The following CRYBG1 variants were observed in gnomAD, a reference collection of about 807,000 sequenced individuals.
The protein encoded by CRYBG1 is beta/gamma crystallin domain-containing protein 1.
CRYBG1 carries 139 observed loss-of-function variants against 189.2 expected under a neutral mutation model. The observed-to-expected ratio is 0.73, with a 90% CI of 0.64 to 0.85. CRYBG1 has a LOEUF of 0.85. CRYBG1 is among the 40% of genes least tolerant of loss of function. CRYBG1 has a pLI of 0.00. For synonymous variants in CRYBG1, 1,023 were observed against 1,017.1 expected, an observed-to-expected ratio of 1.01 and a Z score of -0.11; for missense variants, 2,611 against 2,675.8, an observed-to-expected ratio of 0.98 and a Z score of 0.53.
chr6:106,499,432 T>C (rs1198748825), intron 2 of CRYBG1, among the ~76,000 whole-genome samples: 1 of 151,636 alleles, frequency 6.6e-6, no homozygotes, highest in African/African-American at 2.4e-5. Context: ...AGTGTTGGGA[T>C]TACAGGAGTG....
chr6:106,379,082 G>C (rs1032207883), intron 1 of CRYBG1, among the ~76,000 whole-genome samples: 1 of 152,102 alleles, frequency 6.6e-6, no homozygotes, highest in African/African-American at 2.4e-5. Flanking sequence ...CCGGGAGGCA[G>C]AGGTTGCAGT....
At chr6:106,504,040 A>C (rs936253925) in intron 2 of CRYBG1, among the ~76,000 whole-genome samples, 1 of 136,348 alleles carries the variant, frequency 7.3e-6, no homozygotes, top group African/African-American at 3.1e-5. Context: ...AAAAAAAAAA[A>C]AAAAAAAACC....
At chr6:106,412,872 C>T (rs138192809) in intron 1 of CRYBG1, among the ~76,000 whole-genome samples, 1,880 of 147,324 alleles carry the variant, frequency 0.013, 14 homozygotes, top group Non-Finnish European at 0.02. Flanking sequence ...ATCTGTCCAG[C>T]AGAAAGTAAA....
intron 2 of CRYBG1, among the ~76,000 whole-genome samples, chr6:106,460,310 A>G (rs1200169612): frequency 6.6e-6 from 1 of 151,922 alleles, no homozygotes; most frequent in Non-Finnish European, 1.5e-5. Context: ...TCTTTTGTAC[A>G]CTTATTGGCC....
intron 12 of CRYBG1, 32 bp from the exon 13 acceptor site, chr6:106,544,756 G>A (rs777473095): frequency 6.2e-7 from 1 of 1,603,558 alleles, no homozygotes; most frequent in Admixed American, 1.8e-5. Flanking sequence ...TAAATGGCTA[G>A]CCTTTGAATT....
intron 1 of CRYBG1, among the ~76,000 whole-genome samples, chr6:106,423,654 C>T (rs1309404747): frequency 6.7e-6 from 1 of 149,152 alleles, no homozygotes; most frequent in East Asian, 2.0e-4. Flanking sequence ...TTTTAAATCT[C>T]CTCTTCTCCT....
At chr6:106,555,090 AG>A (rs1259235571) in intron 16 of CRYBG1, among the ~76,000 whole-genome samples, 1 of 151,606 alleles carries the variant, frequency 6.6e-6, no homozygotes, top group Non-Finnish European at 1.5e-5. Context: ...GCTTGAACCC[AG>A]GAGGCAGAGG....
At chr6:106,510,586 G>A (rs1226794114) in intron 2 of CRYBG1, among the ~76,000 whole-genome samples, 1 of 152,214 alleles carries the variant, frequency 6.6e-6, no homozygotes, top group African/African-American at 2.4e-5. Context: ...GGAACCACAC[G>A]TGTGGCGAGG....
In CRYBG1 at chr6:106,414,159, A is replaced by G. The variant is rs75367942; in HGVS notation, c.174-37535A>G. The stretch of plus-strand genomic sequence containing the variant: ...GTGCGAGCCCCTTTTGGATACTTCA[A>G]AGATTCCTGCTGTCTTTGAAAGAGT... On this transcript the variant is annotated intron_variant, in intron 1 of 21. Coordinates refer to ENST00000633556, the MANE Select transcript of CRYBG1 (RefSeq NM_001371242.2). Among the ~76,000 whole-genome samples, 355 of 152,364 alleles carry G rather than the reference A, an allele frequency of 2.3e-3. 2 individuals carry two copies. In the Middle Eastern group the frequency reaches 0.024, roughly 10 times the overall value.
rs371768358 is a variant in CRYBG1, at chr6:106,428,223, T to A, written c.174-23471T>A. On this transcript the variant is annotated intron_variant, in intron 1 of 21. Transcript: ENST00000633556. The stretch of plus-strand genomic sequence containing the variant: ...TTCACTGTGGTAAGTCACACAAAAA[T>A]ATGTTTTTGTTGAAAGAATTAGTGA... 1.1e-3 allele frequency among the ~76,000 whole-genome samples: 167 copies of A among 152,326 alleles called. 1 individual carries two copies. The highest frequency in any genetic ancestry group is 3.8e-3 in the African/African-American group (156 of 41,572).
chr6:106,557,828 G>A (rs565551222), intron 17 of CRYBG1, among the ~76,000 whole-genome samples: 1 of 152,286 alleles, frequency 6.6e-6, no homozygotes, highest in Non-Finnish European at 1.5e-5. Context: ...GAAAAAACAG[G>A]CATAAGCTGC....
At chr6:106,397,408 G>C (rs761595385) in intron 1 of CRYBG1, among the ~76,000 whole-genome samples, 19 of 152,162 alleles carry the variant, frequency 1.2e-4, no homozygotes, top group Non-Finnish European at 2.1e-4. Context: ...TTTTTAATAT[G>C]TGTGTGACTA....
At chr6:106,508,074 C>T (rs574711741) in intron 2 of CRYBG1, among the ~76,000 whole-genome samples, 8 of 152,316 alleles carry the variant, frequency 5.3e-5, no homozygotes, top group African/African-American at 1.9e-4. Context: ...TGGTGAAACT[C>T]TCTACAAAAA....
At chr6:106,490,257 G>A (rs564883195) in intron 2 of CRYBG1, among the ~76,000 whole-genome samples, 100 of 152,342 alleles carry the variant, frequency 6.6e-4, no homozygotes, top group Non-Finnish European at 1.1e-3. Context: ...CCCCTTTGGG[G>A]AAGCAACAAC....
chr6:106,519,019 A>T, intron 3 of CRYBG1, 112 bp from the exon 4 acceptor site: 1 of 1,039,658 alleles, frequency 9.6e-7, no homozygotes, highest in Non-Finnish European at 1.4e-6. Context: ...CACACTCCAA[A>T]TGTTATATAT....
chr6:106,561,604 T>C, intron 20 of CRYBG1, 104 bp downstream of exon 20: 4 of 1,327,004 alleles, frequency 3.0e-6, no homozygotes, highest in African/African-American at 1.5e-5. Context: ...AATTTCACAA[T>C]TCCTGGAGTA....
chr6:106,406,033 G>T (rs568292086), intron 1 of CRYBG1, among the ~76,000 whole-genome samples: 1 of 152,158 alleles, frequency 6.6e-6, no homozygotes, highest in Non-Finnish European at 1.5e-5. Context: ...TGAGTTTGAC[G>T]AATTGACAGA....
chr6:106,518,125 T>G (rs774366434), intron 3 of CRYBG1, among the ~76,000 whole-genome samples: 1 of 152,172 alleles, frequency 6.6e-6, no homozygotes, highest in African/African-American at 2.4e-5. Flanking sequence ...AAGCAAGATA[T>G]CAAATTATAT....
rs200246873 is a variant in CRYBG1, at chr6:106,428,461, CAT to C, written c.174-23232_174-23231del. On this transcript the variant is annotated intron_variant, in intron 1 of 21. Transcript: ENST00000633556. The stretch of plus-strand genomic sequence containing the variant: ...TTTGGAACGTTGAAGGCAGTATACT[CAT>C]GTGATATATAGTAAAATGTTTCTGG... Among the ~76,000 whole-genome samples the C allele has an allele frequency of 5.4e-3, 827 of 152,130 alleles. 8 individuals are homozygous for C. The highest frequency in any genetic ancestry group is 0.019 in the African/African-American group (798 of 41,506).
Sources: gnomAD v4.1 joint callset for allele counts (sites outside exome capture counted in the v4.1 genomes callset) on GRCh38, gnomAD v4.1.1 for gene constraint, MANE v1.5 for transcripts, NCBI Gene and HGNC (gene_info 2026-07-23, HGNC 2026-07-21) for gene names.